Variants in NRXN1 observed in about 807,000 individuals in gnomAD.
The protein encoded by NRXN1 is neurexin 1, also known as neurexin-1.
Under a neutral mutation model 150.9 loss-of-function variants are expected in NRXN1, and 39 were observed. The ratio of observed to expected loss-of-function variants is 0.26; its 90% CI spans 0.20 to 0.34. The LOEUF (loss-of-function observed/expected upper bound fraction) is 0.34. Among genes scored for constraint, NRXN1 ranks in the 10% least tolerant of loss-of-function variants. The probability of loss-of-function intolerance (pLI) is 1.00; values close to 1 mark genes in which losing one functional copy is unlikely to be tolerated. For synonymous variants in NRXN1, 924 were observed against 757.0 expected (o/e 1.22, Z -3.62); for missense variants, 1,815 against 1,949.9 (o/e 0.93, Z 1.30).
intron 18 of NRXN1, among the ~76,000 whole-genome samples, chr2:50,104,171 A>T (rs1418893830): frequency 6.6e-6 from 1 of 152,058 alleles, no homozygotes; most frequent in Non-Finnish European, 1.5e-5. Flanking sequence ...AAAGACATCT[A>T]CTTAAAAGTC....
chr2:50,977,612 T>C (rs78253958), intron 2 of NRXN1, among the ~76,000 whole-genome samples: 1,583 of 152,032 alleles, frequency 0.01, 19 homozygotes, highest in Non-Finnish European at 0.014. Flanking sequence ...AGTTTGAAAG[T>C]AATGTAAGTG....
At chr2:50,725,446 G>T (rs1697223392) in intron 5 of NRXN1, among the ~76,000 whole-genome samples, 1 of 152,020 alleles carries the variant, frequency 6.6e-6, no homozygotes, top group Admixed American at 6.6e-5. Flanking sequence ...CAAAGTTCAT[G>T]AGAAAAATCA....
At chr2:50,474,388 T>A (rs1232392097) in intron 15 of NRXN1, among the ~76,000 whole-genome samples, 1 of 151,800 alleles carries the variant, frequency 6.6e-6, no homozygotes, top group Non-Finnish European at 1.5e-5. Context: ...GGAGATAAAG[T>A]TGGAAGAACC....
At chr2:50,505,163 A>G (rs1202054349) in intron 13 of NRXN1, among the ~76,000 whole-genome samples, 1 of 152,138 alleles carries the variant, frequency 6.6e-6, no homozygotes, top group Non-Finnish European at 1.5e-5. Context: ...AGAGCCATAC[A>G]CTTACTAGAT....
intron 17 of NRXN1, among the ~76,000 whole-genome samples, chr2:50,249,433 T>G (rs540086639): frequency 6.6e-6 from 1 of 152,138 alleles, no homozygotes; most frequent in East Asian, 1.9e-4. Flanking sequence ...AGCAGAAATA[T>G]ATTGCTGGAG....
At chr2:50,693,120 T>G (rs1171663154) in intron 5 of NRXN1, among the ~76,000 whole-genome samples, 1 of 152,144 alleles carries the variant, frequency 6.6e-6, no homozygotes, top group African/African-American at 2.4e-5. Flanking sequence ...GACACTTGAA[T>G]AGTTTCTGAT....
intron 17 of NRXN1, among the ~76,000 whole-genome samples, chr2:50,323,843 T>C (rs1465812812): frequency 6.6e-6 from 1 of 152,162 alleles, no homozygotes; most frequent in African/African-American, 2.4e-5. Context: ...ACCAAAGTAT[T>C]ACTTCATTTT....
At chr2:50,417,990 G>A (rs570909037) in intron 17 of NRXN1, among the ~76,000 whole-genome samples, 2 of 152,068 alleles carry the variant, frequency 1.3e-5, no homozygotes, top group East Asian at 3.9e-4. Context: ...GTTTTAAGCA[G>A]AAAAATAAAA....
At chr2:50,447,166 C>A (rs907349297) in intron 17 of NRXN1, among the ~76,000 whole-genome samples, 6 of 152,038 alleles carry the variant, frequency 3.9e-5, no homozygotes, top group South Asian at 2.1e-4. Context: ...TTTTCTGGCC[C>A]TTCCACAGAT....
intron 17 of NRXN1, among the ~76,000 whole-genome samples, chr2:50,423,595 T>C (rs180839531): frequency 1.4e-3 from 218 of 152,254 alleles, no homozygotes; most frequent in African/African-American, 5.0e-3. Context: ...CATAATTAAT[T>C]AATAAAAATC....
At chr2:49,969,014 T>C (rs1677459050) in intron 21 of NRXN1, among the ~76,000 whole-genome samples, 2 of 152,058 alleles carry the variant, frequency 1.3e-5, no homozygotes, top group Non-Finnish European at 2.9e-5. Flanking sequence ...GAGGGGTGCT[T>C]AGTAATTACT....
intron 5 of NRXN1, among the ~76,000 whole-genome samples, chr2:50,627,394 T>TGTGC (rs1553903148): frequency 6.3e-4 from 73 of 115,906 alleles, no homozygotes; most frequent in Non-Finnish European, 9.5e-4. Flanking sequence ...TGTGTGTGTG[T>TGTGC]GCGCATACTA....
chr2:50,023,554 A>ATT (rs1434814524), intron 21 of NRXN1: 3 of 152,224 alleles, frequency 2.0e-5, no homozygotes, highest in Non-Finnish European at 4.4e-5. Context: ...TAAAAGGTTA[A>ATT]TACAAGGCTT....
At chr2:50,142,204 C>T (rs974774304) in intron 18 of NRXN1, among the ~76,000 whole-genome samples, 4 of 151,884 alleles carry the variant, frequency 2.6e-5, no homozygotes, top group African/African-American at 9.7e-5. Context: ...AAGCTAGGCA[C>T]AGATAGACAA....
chr2:50,804,578 G>A (rs1210281452), intron 5 of NRXN1, among the ~76,000 whole-genome samples: 1 of 152,156 alleles, frequency 6.6e-6, no homozygotes, highest in African/African-American at 2.4e-5. Context: ...AAGTCAGCAT[G>A]ACCTCTTTGA....
chr2:50,290,424 T>G (rs1391711302), intron 17 of NRXN1, among the ~76,000 whole-genome samples: 2 of 152,198 alleles, frequency 1.3e-5, no homozygotes, highest in Non-Finnish European at 2.9e-5. Context: ...CAAACATTTT[T>G]GAAAGTTATT....
intron 18 of NRXN1, among the ~76,000 whole-genome samples, chr2:50,093,152 G>C (rs1408372452): frequency 2.6e-5 from 4 of 152,060 alleles, no homozygotes; most frequent in African/African-American, 9.7e-5. Flanking sequence ...ATAAGTCTTT[G>C]AATAACGTTT....
intron 18 of NRXN1, among the ~76,000 whole-genome samples, chr2:50,197,556 T>A (rs527551649): frequency 3.9e-5 from 6 of 152,166 alleles, no homozygotes; most frequent in African/African-American, 1.4e-4. Context: ...TATTTTGTGA[T>A]GTTTTGCTTT....
chr2:50,306,032 C>G (rs1005708282), intron 17 of NRXN1, among the ~76,000 whole-genome samples: 1 of 152,144 alleles, frequency 6.6e-6, no homozygotes, highest in African/African-American at 2.4e-5. Context: ...CAACCTAGAC[C>G]TTGTGTGATT....
Sources: allele counts gnomAD v4.1 joint callset (sites outside exome capture counted in the v4.1 genomes callset), GRCh38; gene constraint gnomAD v4.1.1; transcripts MANE v1.5; gene names NCBI Gene and HGNC (gene_info 2026-07-23, HGNC 2026-07-21).